CSMD3: variants seen among roughly 807,000 people sequenced by gnomAD.
CSMD3 encodes the protein CUB and sushi domain-containing protein 3.
In CSMD3, 177 loss-of-function variants were observed where a neutral mutation model predicts 435.2. The observed-to-expected ratio is 0.41, with a 90% CI of 0.36 to 0.46. The LOEUF (loss-of-function observed/expected upper bound fraction) is 0.46, where lower values mean the gene tolerates loss of function less well. Among genes scored for constraint, CSMD3 ranks in the 20% least tolerant of loss-of-function variants. The pLI, the probability that CSMD3 is intolerant of heterozygous loss-of-function variation, is 0.34. For missense variants in CSMD3, 4,265 were observed against 4,504.6 expected (o/e 0.95, Z 1.52); for synonymous variants, 1,656 against 1,520.5 (o/e 1.09, Z -2.07).
chr8:112,487,198 G>GGATATA (rs1441544289), intron 31 of CSMD3, among the ~76,000 whole-genome samples: 2 of 152,124 alleles, frequency 1.3e-5, no homozygotes, highest in Non-Finnish European at 2.9e-5. Context: ...TCTTTATTCA[G>GGATATA]GATATAGAGT....
At chr8:113,149,405 T>C (rs953682507) in intron 4 of CSMD3, among the ~76,000 whole-genome samples, 9 of 151,752 alleles carry the variant, frequency 5.9e-5, no homozygotes, top group African/African-American at 1.7e-4. Context: ...ACTTATTTTC[T>C]ACTTATAAAA....
intron 27 of CSMD3, among the ~76,000 whole-genome samples, chr8:112,526,114 A>C (rs2131043471): frequency 6.6e-6 from 1 of 151,454 alleles, no homozygotes; most frequent in South Asian, 2.1e-4. Context: ...ATTGTTTTCA[A>C]TAATTGCTAT....
chr8:112,534,118 A>T (rs1825814242), intron 27 of CSMD3, among the ~76,000 whole-genome samples: 1 of 152,148 alleles, frequency 6.6e-6, no homozygotes, highest in Admixed American at 6.6e-5. Context: ...AAAGAACTAG[A>T]AAAGCAAGAG....
intron 4 of CSMD3, among the ~76,000 whole-genome samples, chr8:113,123,263 A>C (rs974911806): frequency 5.3e-5 from 8 of 152,096 alleles, no homozygotes; most frequent in Non-Finnish European, 1.2e-4. Flanking sequence ...TGGTTCCCTC[A>C]TTAATTAATA....
intron 1 of CSMD3, among the ~76,000 whole-genome samples, chr8:113,417,886 A>G (rs557658661): frequency 6.6e-6 from 1 of 152,212 alleles, no homozygotes. Flanking sequence ...ATGTATTATA[A>G]GAAAAGATTA....
Position 113,262,348 on chromosome 8 carries a change from A to G in CSMD3, c.514+16244T>C, listed in dbSNP as rs190165255. Among the ~76,000 whole-genome samples, 5 of 152,164 alleles carry G rather than the reference A, an allele frequency of 3.3e-5. No individual in the cohort carries two copies. The East Asian group carries it at 7.7e-4, about 23-fold the overall frequency. On this transcript the variant is annotated intron_variant, in intron 3 of 70. Transcript: ENST00000297405. Reference sequence around the variant, plus strand: ...TATAAAATGCATCTTTTAATCTTCTATTCTTTGTCTTTGTACATACTTGTT... The same window carrying G: ...TATAAAATGCATCTTTTAATCTTCTGTTCTTTGTCTTTGTACATACTTGTT...
intron 23 of CSMD3, among the ~76,000 whole-genome samples, chr8:112,578,079 G>A (rs930923876): frequency 3.3e-5 from 5 of 151,902 alleles, no homozygotes; most frequent in Non-Finnish European, 7.4e-5. Flanking sequence ...TTCTAAAAAG[G>A]TGAATTAGAT....
intron 40 of CSMD3, among the ~76,000 whole-genome samples, chr8:112,349,295 C>G (rs1825936052): frequency 6.6e-6 from 1 of 151,974 alleles, no homozygotes; most frequent in Admixed American, 6.6e-5. Flanking sequence ...TAGTTTTTGA[C>G]ATTTCAAATT....
At chr8:113,054,425 A>G in intron 5 of CSMD3, among the ~76,000 whole-genome samples, 1 of 152,196 alleles carries the variant, frequency 6.6e-6, no homozygotes, top group East Asian at 1.9e-4. Flanking sequence ...TTTTTTTAAG[A>G]AAATGAAAAC....
intron 6 of CSMD3, among the ~76,000 whole-genome samples, chr8:112,989,580 T>C (rs111532404): frequency 0.021 from 3,184 of 152,138 alleles, 48 homozygotes; most frequent in Non-Finnish European, 0.034. Context: ...GTTTGTACTA[T>C]GTTGCTGTGT....
At chr8:112,776,465 T>C (rs1407437482) in intron 13 of CSMD3, among the ~76,000 whole-genome samples, 1 of 151,790 alleles carries the variant, frequency 6.6e-6, no homozygotes, top group Non-Finnish European at 1.5e-5. Context: ...ATAATTTACT[T>C]TCTTTCATTT....
At chr8:113,055,729 ATTGG>A (rs1351174179) in intron 5 of CSMD3, among the ~76,000 whole-genome samples, 3 of 152,172 alleles carry the variant, frequency 2.0e-5, no homozygotes, top group Non-Finnish European at 4.4e-5. Flanking sequence ...ATAAAGGAAG[ATTGG>A]TTGATTTTTC....
chr8:112,327,058 G>A (rs1276681577), intron 45 of CSMD3, among the ~76,000 whole-genome samples: 1 of 151,838 alleles, frequency 6.6e-6, no homozygotes, highest in South Asian at 2.1e-4. Flanking sequence ...AAATAAATTG[G>A]ATATCCTTGT....
chr8:113,036,927 G>C (rs2087379468), intron 5 of CSMD3, among the ~76,000 whole-genome samples: 1 of 152,046 alleles, frequency 6.6e-6, no homozygotes, highest in African/African-American at 2.4e-5. Flanking sequence ...TGTGAACTAT[G>C]CATATATTTT....
chr8:112,690,476 C>T (rs2076107794), intron 13 of CSMD3, among the ~76,000 whole-genome samples: 2 of 151,752 alleles, frequency 1.3e-5, no homozygotes, highest in South Asian at 4.1e-4. Context: ...ATGACCAGGA[C>T]ACGAGGGAAC....
chr8:112,846,227 ATTC>A (rs1346945435), intron 11 of CSMD3, among the ~76,000 whole-genome samples: 1 of 151,582 alleles, frequency 6.6e-6, no homozygotes, highest in African/African-American at 2.4e-5. Flanking sequence ...AAAAAAGATA[ATTC>A]TTTTTTAACA....
At chr8:112,315,318 G>A (rs1822360321) in intron 47 of CSMD3, among the ~76,000 whole-genome samples, 1 of 151,596 alleles carries the variant, frequency 6.6e-6, no homozygotes, top group Non-Finnish European at 1.5e-5. Flanking sequence ...CATAATTATG[G>A]TCTAACAGCC....
intron 5 of CSMD3, among the ~76,000 whole-genome samples, chr8:113,068,223 G>T (rs117672483): frequency 6.6e-6 from 1 of 152,064 alleles, no homozygotes; most frequent in East Asian, 1.9e-4. Flanking sequence ...GTGAATTCTC[G>T]ATGACAAACA....
At chr8:112,343,271 G>C (rs1825352002) in intron 41 of CSMD3, among the ~76,000 whole-genome samples, 1 of 151,746 alleles carries the variant, frequency 6.6e-6, no homozygotes, top group Admixed American at 6.6e-5. Context: ...AATTCATTTA[G>C]CTACATAAGC....
Sources: allele counts gnomAD v4.1 joint callset (sites outside exome capture counted in the v4.1 genomes callset), GRCh38; gene constraint gnomAD v4.1.1; transcripts MANE v1.5; gene names NCBI Gene and HGNC (gene_info 2026-07-23, HGNC 2026-07-21).